The following ERG variants were observed in gnomAD, a reference collection of about 807,000 sequenced individuals.
The protein encoded by ERG is ETS transcription factor ERG.
Under a neutral mutation model 55.3 loss-of-function variants are expected in ERG, and 9 were observed. The ratio of observed to expected loss-of-function variants is 0.16; its 90% CI spans 0.10 to 0.28. The LOEUF (loss-of-function observed/expected upper bound fraction) is 0.28, where lower values mean the gene tolerates loss of function less well. Among genes scored for constraint, ERG ranks in the 10% least tolerant of loss-of-function variants. The probability of loss-of-function intolerance (pLI) is 1.00; values close to 1 mark genes in which losing one functional copy is unlikely to be tolerated. For missense variants in ERG, 434 were observed against 631.6 expected (o/e 0.69, Z 3.35); for synonymous variants, 223 against 237.3 (o/e 0.94, Z 0.55).
intron 1 of ERG, among the ~76,000 whole-genome samples, chr21:38,648,792 C>G (rs993530268): frequency 6.6e-5 from 10 of 152,208 alleles, no homozygotes; most frequent in African/African-American, 2.4e-4. Flanking sequence ...TCCAAAAGCA[C>G]TTCAGATCTG....
At chr21:38,606,297 T>C (rs1414106219) in intron 1 of ERG, among the ~76,000 whole-genome samples, 2 of 152,156 alleles carry the variant, frequency 1.3e-5, no homozygotes, top group Non-Finnish European at 2.9e-5. Flanking sequence ...TATAGATAGA[T>C]GGTTGATAGA....
chr21:38,651,860 G>A (rs1476261984), intron 1 of ERG, among the ~76,000 whole-genome samples: 2 of 152,160 alleles, frequency 1.3e-5, no homozygotes, highest in African/African-American at 2.4e-5. Context: ...TCCCACTACT[G>A]TGTGACTCCA....
intron 1 of ERG, among the ~76,000 whole-genome samples, chr21:38,654,798 G>A (rs1487830293): frequency 1.3e-5 from 2 of 152,266 alleles, no homozygotes; most frequent in East Asian, 3.9e-4. Flanking sequence ...ATCTTGAACT[G>A]CAGAAAAAGC....
intron 1 of ERG, among the ~76,000 whole-genome samples, chr21:38,475,323 G>A (rs186369931): frequency 2.3e-4 from 35 of 152,176 alleles, no homozygotes; most frequent in African/African-American, 2.9e-4. Flanking sequence ...AAGATGACAC[G>A]CTCATTTTAG....
chr21:38,428,896 T>G (rs1472383999), intron 2 of ERG, among the ~76,000 whole-genome samples: 1 of 152,160 alleles, frequency 6.6e-6, no homozygotes, highest in Admixed American at 6.5e-5. Context: ...GTCTTTTTAT[T>G]TAATTTAAAT....
chr21:38,550,717 C>T (rs1016123785), intron 2 of ERG, among the ~76,000 whole-genome samples: 1 of 152,184 alleles, frequency 6.6e-6, no homozygotes, highest in East Asian at 1.9e-4. Context: ...GCTAAGACAG[C>T]CTATTATGTA....
chr21:38,535,865 A>G (rs1381469681), intron 2 of ERG, among the ~76,000 whole-genome samples: 1 of 152,154 alleles, frequency 6.6e-6, no homozygotes, highest in Non-Finnish European at 1.5e-5. Flanking sequence ...ACGCTATGGG[A>G]TTTCAGGGGG....
intron 2 of ERG, among the ~76,000 whole-genome samples, chr21:38,533,223 C>G (rs904748029): frequency 6.6e-6 from 1 of 152,206 alleles, no homozygotes; most frequent in Admixed American, 6.5e-5. Flanking sequence ...ACCAGCTGAC[C>G]TCTGATGCAC....
chr21:38,638,572 A>T (rs1276289433), intron 1 of ERG, among the ~76,000 whole-genome samples: 1 of 152,238 alleles, frequency 6.6e-6, no homozygotes, highest in Non-Finnish European at 1.5e-5. Context: ...CCTGTGGAAG[A>T]TGTTTGCAAA....
At position 38,653,280 on chromosome 21, in the gene ERG, T is replaced by C. The variant is rs145165650; in HGVS notation, c.-150+8378A>G. 7.0e-4 allele frequency among the ~76,000 whole-genome samples: 106 copies of C among 152,338 alleles called. 1 individual carries two copies. The highest frequency in any genetic ancestry group is 2.3e-3 in the African/African-American group (96 of 41,574). On this transcript the variant is annotated intron_variant, in intron 1 of 10. Coordinates refer to the ERG transcript ENST00000398910. Reference sequence around the variant, plus strand: ...ACATAAGGCAAAAACATGGACTAAATGGACAGCTTGCCTTCCACCACACAG... The same window carrying C: ...ACATAAGGCAAAAACATGGACTAAACGGACAGCTTGCCTTCCACCACACAG...
At chr21:38,397,122 C>A (rs1988258571) in intron 6 of ERG, among the ~76,000 whole-genome samples, 2 of 152,010 alleles carry the variant, frequency 1.3e-5, no homozygotes, top group African/African-American at 4.8e-5. Context: ...GGACAAATGG[C>A]AGGTAGTGGT....
chr21:38,520,041 C>CA (rs34960736), intron 2 of ERG, among the ~76,000 whole-genome samples: 130,597 of 151,972 alleles, frequency 0.86, 56,267 homozygotes, highest in Middle Eastern at 0.93. Context: ...ACAACAAAAA[C>CA]AAAAAAAACT....
At chr21:38,575,780 T>C in intron 1 of ERG, 6 of 1,478,386 alleles carry the variant, frequency 4.1e-6, no homozygotes, top group Non-Finnish European at 4.7e-6. Flanking sequence ...TACATAATAA[T>C]AAACAACTGC....
intron 2 of ERG, among the ~76,000 whole-genome samples, chr21:38,433,662 G>A (rs1990325922): frequency 6.6e-6 from 1 of 151,818 alleles, no homozygotes; most frequent in African/African-American, 2.4e-5. Context: ...TTGTGAGTGT[G>A]AATGGGCCTC....
rs574764014 is a variant in ERG, at chr21:38,634,367, G to A, written c.-150+27291C>T. 2.3e-3 allele frequency among the ~76,000 whole-genome samples: 344 copies of A among 152,272 alleles called. 2 individuals carry two copies. The highest frequency in any genetic ancestry group is 4.3e-3 in the Admixed American group (66 of 15,302). Reference sequence around the variant, plus strand: ...TTGAGGTCGATATGAGAAAGTTCACGCTCACAAACACAGCTGTGCATAACG... The same window carrying A: ...TTGAGGTCGATATGAGAAAGTTCACACTCACAAACACAGCTGTGCATAACG... On this transcript the variant is annotated intron_variant, in intron 1 of 10. Transcript: ENST00000398910.
chr21:38,572,582 G>A (rs554640664), intron 2 of ERG, among the ~76,000 whole-genome samples: 11 of 151,932 alleles, frequency 7.2e-5, no homozygotes, highest in African/African-American at 2.2e-4. Flanking sequence ...ATAATTATTC[G>A]AATTCTAATT....
chr21:38,632,551 G>C (rs545586340), intron 1 of ERG, among the ~76,000 whole-genome samples: 3 of 152,242 alleles, frequency 2.0e-5, no homozygotes, highest in Non-Finnish European at 2.9e-5. Flanking sequence ...TGTTGTTCTC[G>C]TGATAGTGAA....
chr21:38,583,645 G>T (rs1179055230), intron 1 of ERG, among the ~76,000 whole-genome samples: 1 of 152,216 alleles, frequency 6.6e-6, no homozygotes, highest in Non-Finnish European at 1.5e-5. Context: ...CTCGGGATGT[G>T]ATGATAGAGA....
At chr21:38,481,712 G>T (rs1435212460) in intron 1 of ERG, among the ~76,000 whole-genome samples, 3 of 152,184 alleles carry the variant, frequency 2.0e-5, no homozygotes, top group African/African-American at 7.2e-5. Flanking sequence ...GTACTGTGTT[G>T]TAATTTGCCT....
Sources: gnomAD v4.1 joint callset for allele counts (sites outside exome capture counted in the v4.1 genomes callset) on GRCh38, gnomAD v4.1.1 for gene constraint, MANE v1.5 for transcripts, NCBI Gene and HGNC (gene_info 2026-07-23, HGNC 2026-07-21) for gene names.